Variants in MYO16 observed in about 807,000 individuals in gnomAD.
MYO16 encodes the protein myosin XVI.
Under a neutral mutation model 205.3 loss-of-function variants are expected in MYO16, and 94 were observed. The ratio of observed to expected loss-of-function variants is 0.46; its 90% CI spans 0.39 to 0.54. The LOEUF (loss-of-function observed/expected upper bound fraction) is 0.54, where lower values mean the gene tolerates loss of function less well. Ranked by LOEUF, MYO16 falls within the 20% of genes least tolerant of loss-of-function variation. MYO16 has a pLI of 0.00. For synonymous variants in MYO16, 988 were observed against 954.0 expected, an observed-to-expected ratio of 1.04 and a Z score of -0.66; for missense variants, 2,315 against 2,387.5, an observed-to-expected ratio of 0.97 and a Z score of 0.63.
At chr13:108,619,249 G>A (rs553667474) in intron 1 of MYO16, among the ~76,000 whole-genome samples, 1 of 152,018 alleles carries the variant, frequency 6.6e-6, no homozygotes, top group Admixed American at 6.6e-5. Context: ...TATCATATTA[G>A]CACCTTAGAT....
intron 34 of MYO16, among the ~76,000 whole-genome samples, chr13:109,196,073 T>C (rs533407812): frequency 3.5e-4 from 53 of 152,300 alleles, no homozygotes; most frequent in African/African-American, 1.3e-3. Context: ...TAATTACAAG[T>C]GTCTCACTTT....
chr13:108,969,598 T>G (rs938112700), intron 20 of MYO16, among the ~76,000 whole-genome samples: 13 of 152,202 alleles, frequency 8.5e-5, no homozygotes, highest in Non-Finnish European at 1.9e-4. Flanking sequence ...ACTCGGGTGT[T>G]TCATGAATTC....
At chr13:109,059,148 T>C (rs1887507139) in intron 27 of MYO16, among the ~76,000 whole-genome samples, 1 of 152,216 alleles carries the variant, frequency 6.6e-6, no homozygotes, top group African/African-American at 2.4e-5. Flanking sequence ...AAGATGGGAA[T>C]CAATTGCTTC....
At chr13:108,681,615 A>G (rs17479447) in intron 2 of MYO16, among the ~76,000 whole-genome samples, 6,840 of 150,590 alleles carry the variant, frequency 0.045, 230 homozygotes, top group South Asian at 0.15. Context: ...TTTTTTTTCC[A>G]TCAAGAAGGT....
At chr13:109,120,235 C>G in intron 28 of MYO16, 135 bp from the exon 29 acceptor site, 1 of 617,708 alleles carries the variant, frequency 1.6e-6, no homozygotes, top group Non-Finnish European at 2.8e-6. Flanking sequence ...GTTTAAGAAT[C>G]AGAGACATGT....
chr13:109,023,731 A>C (rs1886244936), intron 23 of MYO16, among the ~76,000 whole-genome samples: 1 of 133,554 alleles, frequency 7.5e-6, no homozygotes, highest in Admixed American at 8.2e-5. Context: ...GTATATATGC[A>C]TATATACATA....
In MYO16 at chr13:108,746,486, G is replaced by A. The variant is rs1594260065; in HGVS notation, c.507+18903G>A. Among the ~76,000 whole-genome samples the A allele has an allele frequency of 3.3e-5, 5 of 152,080 alleles. No homozygotes were observed. The South Asian group carries it at 1.0e-3, about 32-fold the overall frequency. ...ATTAGTAGGGTGACTGTAATTTACA[G>A]TAATCTATTATATATATCAAAATGG... On this transcript the variant is annotated intron_variant, in intron 4 of 34. Coordinates refer to ENST00000457511, the MANE Select transcript of MYO16 (RefSeq NM_001198950.3).
chr13:108,851,614 A>G lies in MYO16; in HGVS notation c.1249-3829A>G, dbSNP rs529880224. 1.2e-4 allele frequency among the ~76,000 whole-genome samples: 18 copies of G among 152,316 alleles called. 1 individual carries two copies. The South Asian group carries it at 2.7e-3, about 23-fold the overall frequency. On this transcript the variant is annotated intron_variant, in intron 10 of 34. Coordinates refer to ENST00000457511, the MANE Select transcript of MYO16 (RefSeq NM_001198950.3). ...CTTCAATCTTGTCTAAATCAATTCT[A>G]GTTAGGAAATCAAGTGCAACTTAGT...
intron 34 of MYO16, among the ~76,000 whole-genome samples, chr13:109,205,568 C>T (rs573994277): frequency 1.1e-4 from 17 of 152,220 alleles, no homozygotes; most frequent in Admixed American, 2.0e-4. Context: ...TATTCCTATT[C>T]GGATTTCCAG....
At chr13:109,184,376 C>T (rs562847485) in intron 34 of MYO16, among the ~76,000 whole-genome samples, 1 of 152,182 alleles carries the variant, frequency 6.6e-6, no homozygotes, top group African/African-American at 2.4e-5. Context: ...AGGGAAAGGT[C>T]ATGTCCAGTA....
intron 20 of MYO16, among the ~76,000 whole-genome samples, chr13:108,989,852 T>A (rs1884765172): frequency 6.6e-6 from 1 of 152,104 alleles, no homozygotes; most frequent in Non-Finnish European, 1.5e-5. Flanking sequence ...TTGATACTTT[T>A]AAAAAACTTA....
At chr13:109,188,332 C>A (rs1015840605) in intron 34 of MYO16, among the ~76,000 whole-genome samples, 3 of 152,096 alleles carry the variant, frequency 2.0e-5, no homozygotes, top group African/African-American at 7.2e-5. Flanking sequence ...AATTTTAGAA[C>A]TTTTTGCCTC....
chr13:109,090,656 A>G (rs974350863), intron 27 of MYO16, among the ~76,000 whole-genome samples: 1 of 152,216 alleles, frequency 6.6e-6, no homozygotes, highest in African/African-American at 2.4e-5. Flanking sequence ...CTAAACTGCA[A>G]TGATGGGTGG....
At chr13:109,004,224 T>C (rs1885314740) in intron 21 of MYO16, among the ~76,000 whole-genome samples, 1 of 152,190 alleles carries the variant, frequency 6.6e-6, no homozygotes, top group Non-Finnish European at 1.5e-5. Flanking sequence ...AATGATTCAA[T>C]GTATTTTTAA....
intron 27 of MYO16, among the ~76,000 whole-genome samples, chr13:109,058,128 T>C (rs1173632543): frequency 6.6e-6 from 1 of 152,130 alleles, no homozygotes; most frequent in Non-Finnish European, 1.5e-5. Flanking sequence ...AGTTTCCAGC[T>C]GATGTTAACA....
the MYO16 span, among the ~76,000 whole-genome samples, chr13:108,557,009 G>A: frequency 6.6e-6 from 1 of 151,972 alleles, no homozygotes; most frequent in African/African-American, 2.4e-5. Context: ...TTTTATGCTG[G>A]TACCGTGGTA....
intron 34 of MYO16, among the ~76,000 whole-genome samples, chr13:109,193,809 G>A (rs893432617): frequency 6.6e-6 from 1 of 152,126 alleles, no homozygotes; most frequent in African/African-American, 2.4e-5. Flanking sequence ...AAAGCCAACT[G>A]TCAAATCCTA....
chr13:108,760,673 C>T (rs1414537438), intron 4 of MYO16, among the ~76,000 whole-genome samples: 1 of 152,162 alleles, frequency 6.6e-6, no homozygotes, highest in Admixed American at 6.5e-5. Context: ...TGTTCTCACT[C>T]ATATGTGGGG....
rs116366619 is a variant in MYO16, at chr13:109,188,229, T to C, written c.5415+8596T>C. Among the ~76,000 whole-genome samples the C allele has an allele frequency of 6.0e-3, 914 of 152,346 alleles. 11 individuals carry two copies. Among genetic ancestry groups the C allele is most frequent in the African/African-American group, 0.02 (829 of 41,582 alleles). On this transcript the variant is annotated intron_variant, in intron 34 of 34. Transcript: ENST00000457511. ...TTTTAAAAATAGCTTTATCAAGATA[T>C]AATTCACATACCACACAACCCGTGC...
Sources: gnomAD v4.1 joint callset for allele counts (sites outside exome capture counted in the v4.1 genomes callset) on GRCh38, gnomAD v4.1.1 for gene constraint, MANE v1.5 for transcripts, NCBI Gene and HGNC (gene_info 2026-07-23, HGNC 2026-07-21) for gene names.